The following NLK variants were observed in gnomAD, a reference collection of about 807,000 sequenced individuals.
NLK encodes the protein serine/threonine-protein kinase NLK.
A neutral mutation model predicts 59.0 loss-of-function variants in NLK; 11 were observed. That is an observed-to-expected ratio of 0.19 (90% CI 0.12 to 0.31). The LOEUF (loss-of-function observed/expected upper bound fraction) is 0.31, where lower values mean the gene tolerates loss of function less well. NLK is among the 10% of genes least tolerant of loss of function. The probability of loss-of-function intolerance (pLI) is 1.00; values close to 1 mark genes in which losing one functional copy is unlikely to be tolerated. For missense variants in NLK, 410 were observed against 661.1 expected, an observed-to-expected ratio of 0.62 and a Z score of 4.16; for synonymous variants, 235 against 235.9, an observed-to-expected ratio of 1.00 and a Z score of 0.03.
chr17:28,074,678 T>G (rs1910112520), intron 1 of NLK, among the ~76,000 whole-genome samples: 1 of 152,230 alleles, frequency 6.6e-6, no homozygotes, highest in Non-Finnish European at 1.5e-5. Context: ...AAGCTGATTT[T>G]ATAAATATGT....
At chr17:28,121,394 A>G (rs1278802880) in intron 1 of NLK, among the ~76,000 whole-genome samples, 1 of 144,262 alleles carries the variant, frequency 6.9e-6, no homozygotes, top group Non-Finnish European at 1.6e-5. Context: ...AAGGGGGGAA[A>G]AAAAAAAAAA....
At chr17:28,070,769 A>G (rs62065054) in intron 1 of NLK, among the ~76,000 whole-genome samples, 8,735 of 152,294 alleles carry the variant, frequency 0.057, 343 homozygotes, top group Non-Finnish European at 0.083. Context: ...CTAATTTTAA[A>G]GTAAAACACT....
chr17:28,160,600 GA>G (rs1206203579), intron 3 of NLK, among the ~76,000 whole-genome samples: 4 of 152,190 alleles, frequency 2.6e-5, no homozygotes, highest in Non-Finnish European at 5.9e-5. Context: ...TGATGGTGGG[GA>G]GGGGTGTTTC....
intron 1 of NLK, among the ~76,000 whole-genome samples, chr17:28,073,805 G>A (rs570755791): frequency 5.9e-5 from 9 of 151,944 alleles, no homozygotes; most frequent in South Asian, 2.1e-4. Flanking sequence ...ACTCTTTTAC[G>A]TTTGTTTCTA....
intron 1 of NLK, among the ~76,000 whole-genome samples, chr17:28,078,947 G>A (rs185332029): frequency 2.0e-5 from 3 of 152,246 alleles, no homozygotes; most frequent in East Asian, 3.9e-4. Context: ...GTATAGTTGT[G>A]TTAACTATAT....
chr17:28,120,673 G>A (rs1163556992), intron 1 of NLK, among the ~76,000 whole-genome samples: 1 of 152,068 alleles, frequency 6.6e-6, no homozygotes, highest in Non-Finnish European at 1.5e-5. Flanking sequence ...ATGGAAGAAA[G>A]TGAAGTCATC....
chr17:28,149,801 A>ACC (rs1907406738), intron 3 of NLK, among the ~76,000 whole-genome samples: 1 of 152,176 alleles, frequency 6.6e-6, no homozygotes, highest in Admixed American at 6.6e-5. Flanking sequence ...TGTCTTGTAC[A>ACC]CCACTGCATT....
At chr17:28,150,018 T>C (rs1907417302) in intron 3 of NLK, among the ~76,000 whole-genome samples, 1 of 152,180 alleles carries the variant, frequency 6.6e-6, no homozygotes, top group South Asian at 2.1e-4. Context: ...TCTCTTTTAA[T>C]AGTAAACAAA....
chr17:28,060,371 G>C (rs1389699805), intron 1 of NLK, among the ~76,000 whole-genome samples: 3 of 151,990 alleles, frequency 2.0e-5, no homozygotes, highest in Non-Finnish European at 2.9e-5. Flanking sequence ...CAAAATCTAG[G>C]GAGAGGATAT....
chr17:28,099,569 T>A lies in NLK; in HGVS notation c.459-23034T>A, dbSNP rs889728440. On this transcript the variant is annotated intron_variant, in intron 1 of 10. Coordinates refer to ENST00000407008, the MANE Select transcript of NLK (RefSeq NM_016231.5). ...TTGTAAATAGTCTTTTGTGTTTGAC[T>A]TTTTTTTTTTTTTTTTTTTTGAGAC... is the stretch of plus-strand genomic sequence containing the variant. 4.1e-5 allele frequency among the ~76,000 whole-genome samples: 5 copies of A among 122,860 alleles called. No individual in the cohort carries two copies. The East Asian group carries it at 1.1e-3, about 26-fold the overall frequency. 80.6% of individuals were successfully genotyped at this position (122,860 alleles called of 152,430 possible).
intron 3 of NLK, among the ~76,000 whole-genome samples, chr17:28,143,969 C>T (rs1476330437): frequency 6.6e-6 from 1 of 152,220 alleles, no homozygotes; most frequent in African/African-American, 2.4e-5. Context: ...TTTGTAAATT[C>T]TCCCAGTTCT....
intron 1 of NLK, among the ~76,000 whole-genome samples, chr17:28,045,655 A>T (rs957927513): frequency 6.6e-6 from 1 of 152,132 alleles, no homozygotes; most frequent in Non-Finnish European, 1.5e-5. Context: ...TTATATTTAC[A>T]TGTCAATGAC....
Position 28,114,118 on chromosome 17 carries a change from A to G in NLK, c.459-8485A>G, listed in dbSNP as rs574651886. Among the ~76,000 whole-genome samples the G allele has an allele frequency of 5.3e-4, 81 of 152,272 alleles. 1 individual carries two copies. Among genetic ancestry groups the G allele is most frequent in the Admixed American group, 1.5e-3 (23 of 15,290 alleles). ...ATTGTTTGAATATACTACAATTTGTATACTGTATATTATATATTGAACATT... is the reference window on the plus strand; with the variant it reads ...ATTGTTTGAATATACTACAATTTGTGTACTGTATATTATATATTGAACATT... On this transcript the variant is annotated intron_variant, in intron 1 of 10. Coordinates refer to ENST00000407008, the MANE Select transcript of NLK (RefSeq NM_016231.5).
At chr17:28,127,202 G>C (rs923097212) in intron 2 of NLK, among the ~76,000 whole-genome samples, 1 of 152,120 alleles carries the variant, frequency 6.6e-6, no homozygotes, top group African/African-American at 2.4e-5. Flanking sequence ...AAATCTAAGG[G>C]CCTGGAGTGA....
chr17:28,070,161 A>G (rs1230840470), intron 1 of NLK, among the ~76,000 whole-genome samples: 2 of 151,758 alleles, frequency 1.3e-5, no homozygotes, highest in African/African-American at 2.4e-5. Flanking sequence ...ATTTGAATCC[A>G]GGAGGCGGAG....
intron 1 of NLK, among the ~76,000 whole-genome samples, chr17:28,059,156 T>G (rs1909544814): frequency 6.6e-6 from 1 of 152,008 alleles, no homozygotes; most frequent in South Asian, 2.1e-4. Context: ...CTATAGTTGG[T>G]TCTTGCCATT....
intron 1 of NLK, among the ~76,000 whole-genome samples, chr17:28,122,052 G>T (rs1435008419): frequency 1.3e-5 from 2 of 152,156 alleles, no homozygotes. Flanking sequence ...GAGCTACAGG[G>T]ATCCCTAAGC....
chr17:28,101,534 GCTT>G (rs557232569), intron 1 of NLK, among the ~76,000 whole-genome samples: 1 of 152,150 alleles, frequency 6.6e-6, no homozygotes, highest in African/African-American at 2.4e-5. Context: ...TTTTGTGTGT[GCTT>G]CTTTTGTAAA....
intron 6 of NLK, among the ~76,000 whole-genome samples, chr17:28,170,531 T>TA (rs909627902): frequency 1.1e-4 from 17 of 152,168 alleles, no homozygotes; most frequent in African/African-American, 3.6e-4. Context: ...ATTCTGGTGT[T>TA]AAAAAAATTA....
Sources: gnomAD v4.1 joint callset for allele counts (sites outside exome capture counted in the v4.1 genomes callset) on GRCh38, gnomAD v4.1.1 for gene constraint, MANE v1.5 for transcripts, NCBI Gene and HGNC (gene_info 2026-07-23, HGNC 2026-07-21) for gene names.